Variants in SHANK2 observed in about 807,000 individuals in gnomAD.
SHANK2 encodes SH3 and multiple ankyrin repeat domains protein 2.
Under a neutral mutation model 133.7 loss-of-function variants are expected in SHANK2, and 43 were observed. That is an observed-to-expected ratio of 0.32 (90% CI 0.25 to 0.41). SHANK2 has a LOEUF of 0.41. Among genes scored for constraint, SHANK2 ranks in the 10% least tolerant of loss-of-function variants. SHANK2 has a pLI of 1.00. For synonymous variants in SHANK2, 1,017 were observed against 952.8 expected (o/e 1.07, Z -1.24); for missense variants, 1,994 against 2,235.8 (o/e 0.89, Z 2.18).
intron 12 of SHANK2, among the ~76,000 whole-genome samples, chr11:70,814,519 C>A (rs1182939784): frequency 1.3e-5 from 2 of 152,172 alleles, no homozygotes; most frequent in South Asian, 4.1e-4. Context: ...TGTCCCTGGG[C>A]GGCCAAGGCC....
At chr11:70,765,633 G>A (rs1046966161) in intron 14 of SHANK2, among the ~76,000 whole-genome samples, 1 of 152,142 alleles carries the variant, frequency 6.6e-6, no homozygotes, top group African/African-American at 2.4e-5. Flanking sequence ...ACATGGCAGG[G>A]TATAGCCTCA....
chr11:71,220,895 C>G (rs963627870), intron 2 of SHANK2, among the ~76,000 whole-genome samples: 3 of 152,132 alleles, frequency 2.0e-5, no homozygotes, highest in African/African-American at 7.2e-5. Flanking sequence ...CACTGAATGG[C>G]ACACTTTAAA....
At position 71,199,766 on chromosome 11, in the gene SHANK2, C is replaced by A. The variant is rs570421784; in HGVS notation, c.-13+24931G>T. ...TGCCATAGGGAATCCTAATCCCCTG[C>A]GCTGGAAAGACCGAGGACAACCTTG... On this transcript the variant is annotated intron_variant, in intron 2 of 25. Coordinates refer to ENST00000601538, the MANE Select transcript of SHANK2 (RefSeq NM_012309.5). 1.7e-4 allele frequency among the ~76,000 whole-genome samples: 26 copies of A among 152,260 alleles called. No homozygotes were observed. In the East Asian group the frequency reaches 4.4e-3, roughly 26 times the overall value.
intron 2 of SHANK2, among the ~76,000 whole-genome samples, chr11:71,192,863 T>C (rs1412370784): frequency 6.6e-6 from 1 of 152,198 alleles, no homozygotes; most frequent in African/African-American, 2.4e-5. Context: ...GCCTGCTTAA[T>C]TGCATCGCAG....
At chr11:70,764,825 T>TTCCATCCA (rs67258133) in intron 14 of SHANK2, among the ~76,000 whole-genome samples, 2,428 of 149,798 alleles carry the variant, frequency 0.016, 93 homozygotes, top group African/African-American at 0.057. Context: ...GCCTCCTCTC[T>TTCCATCCA]TCCATCCATC....
rs192414594 is a variant in SHANK2 at position 70,573,783 on chromosome 11, C to T, written c.2062-70852G>A. Among the ~76,000 whole-genome samples, 83 of 152,322 alleles carry T rather than the reference C, an allele frequency of 5.4e-4. 2 individuals are homozygous for T. The highest frequency in any genetic ancestry group is 2.5e-3 in the Admixed American group (38 of 15,312). On this transcript the variant is annotated intron_variant, in intron 17 of 25. Transcript: ENST00000601538. ...CAACCCCACACCTCACTTCAGCCAA[C>T]GGCCACTTTTATGTTCTGTCTGACT... is the stretch of plus-strand genomic sequence containing the variant.
At chr11:70,592,339 C>T (rs142899300) in intron 17 of SHANK2, among the ~76,000 whole-genome samples, 5 of 152,254 alleles carry the variant, frequency 3.3e-5, no homozygotes, top group Admixed American at 6.5e-5. Flanking sequence ...TGGGTCAGTC[C>T]GAGAGGAGAT....
chr11:70,489,164 G>C, intron 24 of SHANK2, 164 bp downstream of exon 24: 1 of 693,872 alleles, frequency 1.4e-6, no homozygotes, highest in Non-Finnish European at 2.6e-6. Flanking sequence ...AGGACATTTT[G>C]GCATTGCAAA....
intron 7 of SHANK2, among the ~76,000 whole-genome samples, chr11:71,093,054 G>GGT (rs1364617644): frequency 2.1e-5 from 3 of 141,460 alleles, no homozygotes; most frequent in East Asian, 2.2e-4. Context: ...AAAATAAAGG[G>GGT]GGGGGGGGGC....
rs1462018966 is a variant in SHANK2 at position 70,487,857 on chromosome 11, G to A, written c.2573-137C>T. On this transcript the variant is annotated intron_variant, in intron 24 of 25. Coordinates refer to ENST00000601538, the MANE Select transcript of SHANK2 (RefSeq NM_012309.5). This position sits in a 1 kb window ranked among gnomAD's most constrained non-coding sequence, Gnocchi z 5.8. ...CGGATGTTCAGGAAACACAGCACAA[G>A]CCACGATGCCGAGTGGTTAGTCACA... 7.9e-6 allele frequency: 12 copies of A among 1,509,788 alleles called. No individual in the cohort carries two copies. The Admixed American group carries it at 2.0e-4, about 25-fold the overall frequency. The allele number at this position is 1,509,788 out of a possible 1,614,324, so 93.5% of individuals were successfully genotyped here.
intron 17 of SHANK2, among the ~76,000 whole-genome samples, chr11:70,563,539 CTTT>C (rs35931621): frequency 7.4e-6 from 1 of 135,438 alleles, no homozygotes. Flanking sequence ...TCTGTGGTCA[CTTT>C]TTTTTTTTTT....
intron 11 of SHANK2, chr11:70,864,259 A>G (rs1162381521): frequency 6.0e-6 from 1 of 167,258 alleles, no homozygotes; most frequent in Non-Finnish European, 1.3e-5. Context: ...GGAGGTGGGT[A>G]GTGAGAAGGG....
intron 17 of SHANK2, among the ~76,000 whole-genome samples, chr11:70,621,747 G>T (rs1206892690): frequency 2.6e-5 from 4 of 152,192 alleles, no homozygotes; most frequent in African/African-American, 9.7e-5. Flanking sequence ...ACGTGGGTAT[G>T]GGGAAGAATG....
intron 11 of SHANK2, among the ~76,000 whole-genome samples, chr11:70,831,172 T>C (rs966972037): frequency 3.3e-5 from 5 of 152,158 alleles, no homozygotes; most frequent in Admixed American, 6.5e-5. Flanking sequence ...CCTGCCTGCC[T>C]GCCCGCACAC....
intron 10 of SHANK2, among the ~76,000 whole-genome samples, chr11:70,898,578 A>G (rs1555076205): frequency 6.6e-6 from 1 of 152,198 alleles, no homozygotes; most frequent in Non-Finnish European, 1.5e-5. Context: ...ACTGTGTTCT[A>G]GTATTTTTGT....
At chr11:70,891,563 G>A (rs1249481028) in intron 11 of SHANK2, among the ~76,000 whole-genome samples, 1 of 152,180 alleles carries the variant, frequency 6.6e-6, no homozygotes, top group Non-Finnish European at 1.5e-5. Context: ...CTGAAGGCCA[G>A]AAGTCCAAAA....
At chr11:70,656,189 C>G (rs2061403439) in intron 17 of SHANK2, among the ~76,000 whole-genome samples, 1 of 152,166 alleles carries the variant, frequency 6.6e-6, no homozygotes, top group South Asian at 2.1e-4. Flanking sequence ...CTCAAAGAGA[C>G]AGCAGACAAA....
chr11:71,165,056 T>C (rs1590977110), intron 2 of SHANK2, among the ~76,000 whole-genome samples: 2 of 150,482 alleles, frequency 1.3e-5, no homozygotes, highest in East Asian at 3.9e-4. Flanking sequence ...TTTTTTGAGA[T>C]GGAGTCTCAC....
At chr11:70,491,942 C>T (rs112578209) in intron 22 of SHANK2, among the ~76,000 whole-genome samples, 27 of 152,362 alleles carry the variant, frequency 1.8e-4, no homozygotes, top group African/African-American at 6.3e-4. Context: ...GGGACTGCCA[C>T]ATGGGATGTG....
Sources: gnomAD v4.1 joint callset for allele counts (sites outside exome capture counted in the v4.1 genomes callset) on GRCh38, gnomAD v4.1.1 for gene constraint, Gnocchi (gnomAD v3.1) non-coding constraint, MANE v1.5 for transcripts, NCBI Gene and HGNC (gene_info 2026-07-23, HGNC 2026-07-21) for gene names.